Variants in COPG1 observed in about 807,000 individuals in gnomAD.
The protein encoded by COPG1 is coatomer subunit gamma-1.
In COPG1, 29 loss-of-function variants were observed where a neutral mutation model predicts 102.8. The observed-to-expected ratio is 0.28, with a 90% CI of 0.21 to 0.38. The LOEUF (loss-of-function observed/expected upper bound fraction) is 0.38. COPG1 is among the 10% of genes least tolerant of loss of function. The pLI, the probability that COPG1 is intolerant of heterozygous loss-of-function variation, is 1.00. For missense variants in COPG1, 875 were observed against 1,132.7 expected, an observed-to-expected ratio of 0.77 and a Z score of 3.27; for synonymous variants, 406 against 421.6, an observed-to-expected ratio of 0.96 and a Z score of 0.45.
At position 129,267,096 on chromosome 3, in the gene COPG1, A is replaced by C. The variant is rs1174458653; in HGVS notation, c.1541A>C (p.Lys514Thr). 6.2e-7 allele frequency: 1 copy of C among 1,613,530 alleles called. No individual in the cohort carries two copies. The highest frequency in any genetic ancestry group is 1.3e-5 in the African/African-American group (1 of 74,910). ...EMLPSILVLLKRCVMDDDNEV... is the reference protein window; with the variant it reads ...EMLPSILVLLTRCVMDDDNEV... ...TTACCCAGTATCTTGGTGTTGCTGA[A>C]GAGGTGAGTCTAGGCCCAGGGGCCC... The change falls in exon 15 of 24, where the codon AAG becomes ACG. Residue 514 changes from lysine to threonine, a missense_variant. Transcript: ENST00000314797.
intron 16 of COPG1, 21 bp downstream of exon 16, chr3:129,268,061 C>T (rs754537390): frequency 1.9e-6 from 3 of 1,581,030 alleles, no homozygotes; most frequent in Non-Finnish European, 2.6e-6. Flanking sequence ...CCCTGGCTAT[C>T]TTGGACTCAG....
intron 21 of COPG1, among the ~76,000 whole-genome samples, chr3:129,274,611 G>A (rs563694983): frequency 6.4e-4 from 98 of 152,182 alleles, no homozygotes; most frequent in Non-Finnish European, 1.0e-3. Context: ...TTAGTAGATT[G>A]GTACTTGGGA....
At chr3:129,272,485 G>C in intron 20 of COPG1, 70 bp downstream of exon 20, 1 of 1,313,218 alleles carries the variant, frequency 7.6e-7, no homozygotes, top group Non-Finnish European at 1.1e-6. Context: ...TGGGCGGCTG[G>C]GCACCAGCTG....
At chr3:129,258,736 G>A (rs530144008) in intron 10 of COPG1, among the ~76,000 whole-genome samples, 3 of 152,310 alleles carry the variant, frequency 2.0e-5, no homozygotes, top group Admixed American at 6.5e-5. Flanking sequence ...GATTACAGGC[G>A]TGAGCCACTG....
rs898875904 is a variant in COPG1 at position 129,277,293 on chromosome 3, G to A, written c.2495-1G>A. On this transcript the variant is annotated splice_acceptor_variant, in intron 23 of 23. Transcript: ENST00000314797. LOFTEE classifies it high-confidence loss of function. Reference sequence around the variant, plus strand: ...ATCTGTACTTCTCTCTTCCCTTCTAGGTGTGTTCCGGGGTGGTCATGACAT... The same window carrying A: ...ATCTGTACTTCTCTCTTCCCTTCTAAGTGTGTTCCGGGGTGGTCATGACAT... 10 of 1,613,824 alleles carry A rather than the reference G, an allele frequency of 6.2e-6. No homozygotes were observed. The highest frequency in any genetic ancestry group is 8.5e-6 in the Non-Finnish European group (10 of 1,179,908).
At chr3:129,262,115 A>G (rs1473822931) in intron 12 of COPG1, among the ~76,000 whole-genome samples, 1 of 152,148 alleles carries the variant, frequency 6.6e-6, no homozygotes, top group Non-Finnish European at 1.5e-5. Context: ...TGAGATTTGC[A>G]TATTAGATCC....
At chr3:129,276,094 A>G (rs1442723100) in intron 23 of COPG1, among the ~76,000 whole-genome samples, 1 of 152,230 alleles carries the variant, frequency 6.6e-6, no homozygotes, top group African/African-American at 2.4e-5. Flanking sequence ...CTTGATAAAT[A>G]ACTCCAAGTT....
At chr3:129,267,811 C>T in intron 15 of COPG1, 126 bp from the exon 16 acceptor site, 1 of 684,714 alleles carries the variant, frequency 1.5e-6, no homozygotes, top group Admixed American at 2.4e-5. Context: ...TCCCTCCACC[C>T]TCCGCCTGGG....
chr3:129,254,000 CAAA>C (rs58354730), intron 5 of COPG1, among the ~76,000 whole-genome samples: 4 of 74,004 alleles, frequency 5.4e-5, no homozygotes, highest in African/African-American at 4.6e-5. Context: ...GACTGCGTCT[CAAA>C]AAAAAAAAAA....
At chr3:129,272,723 C>T (rs1940206244) in intron 20 of COPG1, 84 bp from the exon 21 acceptor site, 10 of 811,600 alleles carry the variant, frequency 1.2e-5, no homozygotes, top group Non-Finnish European at 2.1e-5. Flanking sequence ...CAGGCTGTGA[C>T]CCCTGCCTGC....
chr3:129,263,598 GGA>G (rs1939992059), intron 12 of COPG1, among the ~76,000 whole-genome samples: 1 of 152,186 alleles, frequency 6.6e-6, no homozygotes, highest in African/African-American at 2.4e-5. Context: ...CCAGTGGTAG[GGA>G]GAGAAGCAGG....
At chr3:129,252,499 A>G in intron 3 of COPG1, 124 bp from the exon 4 acceptor site, 1 of 1,032,366 alleles carries the variant, frequency 9.7e-7, no homozygotes, top group East Asian at 2.4e-5. Flanking sequence ...TCCCCTCAGC[A>G]TCCAAGTCTC....
chr3:129,253,066 C>T, intron 5 of COPG1, 111 bp downstream of exon 5: 1 of 882,844 alleles, frequency 1.1e-6, no homozygotes, highest in Non-Finnish European at 1.8e-6. Context: ...GCTGCCCACC[C>T]CGTGGCAGCT....
In COPG1 at chr3:129,250,813, G is replaced by T. The variant is rs538081107; in HGVS notation, c.90+79G>T. On this transcript the variant is annotated intron_variant, in intron 2 of 23. Transcript: ENST00000314797. The stretch of plus-strand genomic sequence containing the variant: ...CAACTGAAATACCAACACATTCAAA[G>T]TGTTGTTTTAAAGAGCAACACGGGA... 1.3e-5 allele frequency: 16 copies of T among 1,264,596 alleles called. 1 individual carries two copies. The South Asian group carries it at 1.9e-4, about 15-fold the overall frequency. The allele number at this position is 1,264,596 out of a possible 1,614,324, so 78.3% of individuals were successfully genotyped here. A position where few individuals can be genotyped will look rare whatever the true frequency, so the allele number is the denominator to read the frequency against.
intron 10 of COPG1, 64 bp from the exon 11 acceptor site, chr3:129,260,269 C>A: frequency 6.9e-7 from 1 of 1,450,956 alleles, no homozygotes; most frequent in Non-Finnish European, 9.7e-7. Flanking sequence ...GAACAGTAGC[C>A]CCCGGTTTTC....
chr3:129,272,224 C>A lies in COPG1; in HGVS notation c.1987-20C>A. On this transcript the variant is annotated intron_variant, in intron 19 of 23. Coordinates refer to ENST00000314797, the MANE Select transcript of COPG1 (RefSeq NM_016128.4). ...TCGGACCTAGTGCAATGTTTAAGCT[C>A]CCCTCTCTTTCCTGTTCAGTTTGAC... 6.2e-7 allele frequency: 1 copy of A among 1,610,838 alleles called. No homozygotes were observed. Among genetic ancestry groups the A allele is most frequent in the Non-Finnish European group, 8.5e-7 (1 of 1,177,326 alleles).
At chr3:129,255,505 CAG>C (rs1206251603) in intron 7 of COPG1, among the ~76,000 whole-genome samples, 2 of 142,304 alleles carry the variant, frequency 1.4e-5, no homozygotes, top group African/African-American at 5.4e-5. Flanking sequence ...TTTTTTGAGA[CAG>C]AGTCTCACTC....
At chr3:129,258,973 G>A (rs994928627) in intron 10 of COPG1, among the ~76,000 whole-genome samples, 3 of 152,214 alleles carry the variant, frequency 2.0e-5, no homozygotes, top group Middle Eastern at 3.2e-3. Flanking sequence ...AAGTGGAAGA[G>A]AAGAGGGGAG....
At chr3:129,267,138 C>T in intron 15 of COPG1, 39 bp downstream of exon 15, 1 of 1,499,898 alleles carries the variant, frequency 6.7e-7, no homozygotes, top group Non-Finnish European at 9.2e-7. Context: ...GGACAGTGTT[C>T]CCTTGGACCC....
Sources: gnomAD v4.1 joint callset for allele counts (sites outside exome capture counted in the v4.1 genomes callset) on GRCh38, gnomAD v4.1.1 for gene constraint, MANE v1.5 for transcripts, NCBI Gene and HGNC (gene_info 2026-07-23, HGNC 2026-07-21) for gene names.